UNC13C: variants seen among roughly 807,000 people sequenced by gnomAD.
UNC13C encodes unc-13 homolog C, also known as protein unc-13 homolog C.
In UNC13C, 174 loss-of-function variants were observed where a neutral mutation model predicts 245.4. The observed-to-expected ratio is 0.71, with a 90% CI of 0.63 to 0.80. The LOEUF (loss-of-function observed/expected upper bound fraction) is 0.80, where lower values mean the gene tolerates loss of function less well. Ranked by LOEUF, UNC13C falls within the 30% of genes least tolerant of loss-of-function variation. The probability of loss-of-function intolerance (pLI) is 0.00; values close to 1 mark genes in which losing one functional copy is unlikely to be tolerated. For missense variants in UNC13C, 2,829 were observed against 2,602.9 expected, an observed-to-expected ratio of 1.09 and a Z score of -1.89; for synonymous variants, 992 against 895.1, an observed-to-expected ratio of 1.11 and a Z score of -1.93.
intron 4 of UNC13C, among the ~76,000 whole-genome samples, chr15:54,191,609 T>G (rs1001250220): frequency 6.6e-5 from 10 of 152,172 alleles, no homozygotes; most frequent in African/African-American, 2.4e-4. Flanking sequence ...TGCTTCTAGA[T>G]TTTTGAGGAA....
At chr15:54,287,421 T>C (rs1199414074) in intron 10 of UNC13C, among the ~76,000 whole-genome samples, 1 of 152,240 alleles carries the variant, frequency 6.6e-6, no homozygotes, top group Non-Finnish European at 1.5e-5. Flanking sequence ...GAACTTACTA[T>C]GTTTTTTATT....
At chr15:54,569,030 C>T (rs918032143) in intron 30 of UNC13C, among the ~76,000 whole-genome samples, 1 of 152,216 alleles carries the variant, frequency 6.6e-6, no homozygotes, top group Non-Finnish European at 1.5e-5. Context: ...CAGAAATATT[C>T]AAAACATTAT....
chr15:53,912,325 T>G, the UNC13C span: 81,971 of 151,960 alleles, frequency 0.54, 22,297 homozygotes, highest in South Asian at 0.61. Context: ...ACTGGCTGAG[T>G]TGCCCAACTC....
chr15:54,135,144 C>A (rs1271928097), intron 2 of UNC13C, among the ~76,000 whole-genome samples: 1 of 152,050 alleles, frequency 6.6e-6, no homozygotes, highest in African/African-American at 2.4e-5. Context: ...AGACCCCTTG[C>A]CAATTTATTA....
intron 2 of UNC13C, among the ~76,000 whole-genome samples, chr15:54,082,376 C>T (rs111309963): frequency 0.019 from 888 of 47,778 alleles, 13 homozygotes; most frequent in African/African-American, 0.034. Flanking sequence ...AAGTTGCCTA[C>T]TTTTTCTTCT....
intron 2 of UNC13C, among the ~76,000 whole-genome samples, chr15:54,075,142 A>G (rs1439579742): frequency 6.6e-6 from 1 of 152,108 alleles, no homozygotes. Flanking sequence ...GAAAGGGTGT[A>G]TGTCAATGAT....
At chr15:54,312,222 ATGTG>A (rs142402305) in intron 13 of UNC13C, among the ~76,000 whole-genome samples, 107 of 150,402 alleles carry the variant, frequency 7.1e-4, no homozygotes, top group African/African-American at 2.6e-3. Flanking sequence ...TTTGGTGTGC[ATGTG>A]TGTGTGTGTG....
downstream of UNC13C, chr15:54,632,778 G>A (rs1423620919): frequency 6.6e-6 from 1 of 152,134 alleles, no homozygotes; most frequent in Admixed American, 6.5e-5. Context: ...AATTACTGTA[G>A]CTTTATACTG....
intron 2 of UNC13C, among the ~76,000 whole-genome samples, chr15:54,125,590 T>C (rs1157616232): frequency 6.6e-5 from 10 of 152,220 alleles, no homozygotes; most frequent in African/African-American, 2.4e-4. Flanking sequence ...CATCTCTTCA[T>C]CTATTGAGAT....
intron 19 of UNC13C, among the ~76,000 whole-genome samples, chr15:54,434,433 A>G (rs1016281629): frequency 6.6e-6 from 1 of 152,038 alleles, no homozygotes; most frequent in Non-Finnish European, 1.5e-5. Context: ...ATAACACCAC[A>G]TATCTAAATC....
chr15:54,020,458 TTTTTTA>T (rs1266453027), intron 2 of UNC13C, among the ~76,000 whole-genome samples: 18 of 135,376 alleles, frequency 1.3e-4, no homozygotes, highest in South Asian at 2.4e-4. Flanking sequence ...TTTTTTTTTT[TTTTTTA>T]ATTAGAGATG....
chr15:53,980,414 A>T (rs1297149993), intron 1 of UNC13C, among the ~76,000 whole-genome samples: 1 of 152,204 alleles, frequency 6.6e-6, no homozygotes. Flanking sequence ...TTCTATGTTG[A>T]CATCTTGTAT....
At chr15:54,089,868 G>C (rs1460342599) in intron 2 of UNC13C, among the ~76,000 whole-genome samples, 1 of 152,146 alleles carries the variant, frequency 6.6e-6, no homozygotes, top group Non-Finnish European at 1.5e-5. Flanking sequence ...TTGGTTCCAT[G>C]TTCCCCTGCT....
the UNC13C span, among the ~76,000 whole-genome samples, chr15:53,871,042 A>C: frequency 4.6e-5 from 7 of 152,114 alleles, no homozygotes; most frequent in East Asian, 1.2e-3. Context: ...CTCTAATTCT[A>C]GTTCATTCTC....
At chr15:54,091,678 A>G (rs893017648) in intron 2 of UNC13C, among the ~76,000 whole-genome samples, 2 of 152,160 alleles carry the variant, frequency 1.3e-5, no homozygotes, top group Non-Finnish European at 2.9e-5. Flanking sequence ...CTAGTATATA[A>G]AGCCACTATC....
the UNC13C span, among the ~76,000 whole-genome samples, chr15:53,848,979 A>G: frequency 2.0e-5 from 3 of 152,000 alleles, no homozygotes; most frequent in Non-Finnish European, 2.9e-5. Context: ...TAATGTTTGC[A>G]TTATATAACT....
chr15:54,458,032 A>G (rs952483633), intron 19 of UNC13C, among the ~76,000 whole-genome samples: 7 of 151,190 alleles, frequency 4.6e-5, no homozygotes, highest in Non-Finnish European at 1.0e-4. Flanking sequence ...TAAGCTATTA[A>G]CGTTCCTTTA....
At chr15:53,850,882 T>C in the UNC13C span, among the ~76,000 whole-genome samples, 23 of 152,024 alleles carry the variant, frequency 1.5e-4, no homozygotes, top group East Asian at 7.7e-4. Flanking sequence ...TTTTTTTTTT[T>C]CCTTTTCTAC....
At chr15:54,284,169 T>G (rs1405099392) in intron 10 of UNC13C, among the ~76,000 whole-genome samples, 2 of 152,134 alleles carry the variant, frequency 1.3e-5, no homozygotes, top group Non-Finnish European at 2.9e-5. Context: ...TAAATAAAAG[T>G]CAGATTTGGG....
Sources: allele counts gnomAD v4.1 joint callset (sites outside exome capture counted in the v4.1 genomes callset), GRCh38; gene constraint gnomAD v4.1.1; transcripts MANE v1.5; gene names NCBI Gene and HGNC (gene_info 2026-07-23, HGNC 2026-07-21).